ATRIP: variants seen among roughly 807,000 people sequenced by gnomAD.
ATRIP encodes the protein ATR interacting protein.
ATRIP carries 44 observed loss-of-function variants against 78.1 expected under a neutral mutation model. The ratio of observed to expected loss-of-function variants is 0.56; its 90% CI spans 0.44 to 0.72. The LOEUF (loss-of-function observed/expected upper bound fraction) is 0.72, where lower values mean the gene tolerates loss of function less well. ATRIP is among the 30% of genes least tolerant of loss of function. The pLI, the probability that ATRIP is intolerant of heterozygous loss-of-function variation, is 0.00. For missense variants in ATRIP, 927 were observed against 980.2 expected, an observed-to-expected ratio of 0.95 and a Z score of 0.72; for synonymous variants, 388 against 408.9, an observed-to-expected ratio of 0.95 and a Z score of 0.62.
chr3:48,454,335 T>G lies in ATRIP; in HGVS notation c.588T>G (p.Asp196Glu). Reference sequence around the variant, plus strand: ...TGCAGTCTGAACTCCAGTTTAAAGATGCAGAGATGAATGAATTAAGGACAA... The same window carrying G: ...TGCAGTCTGAACTCCAGTTTAAAGAGGCAGAGATGAATGAATTAAGGACAA... ...QSLQSELQFK[D>E]AEMNELRTKL... The change falls in exon 4 of 13, where the codon GAT becomes GAG. Residue 196 changes from aspartate to glutamate, a missense_variant. Asp to Glu is a conservative substitution (Grantham distance 45). Transcript: ENST00000320211. 1 of 1,613,722 alleles carries G rather than the reference T, an allele frequency of 6.2e-7. No homozygotes were observed. The highest frequency in any genetic ancestry group is 8.5e-7 in the Non-Finnish European group (1 of 1,179,708).
rs1259794263 is a variant in ATRIP, at chr3:48,466,965, C to T, written c.*1411C>T. 1 of 1,612,326 alleles carries T rather than the reference C, an allele frequency of 6.2e-7. No homozygotes were observed. The highest frequency in any genetic ancestry group is 1.7e-5 in the Admixed American group (1 of 59,998). The stretch of plus-strand genomic sequence containing the variant: ...TGGGCGTCAATGTTTTGATGACAAC[C>T]TGGCCAACCTGCTCCTAGCCTTCCT... On this transcript the variant is annotated 3_prime_UTR_variant, in exon 13 of 13. Transcript: ENST00000320211.
rs2039843659 is a variant in ATRIP at position 48,451,808 on chromosome 3, C to G, written c.461C>G (p.Ser154Cys). ...ILRDSLHQTESVLEEQRRSHF... is the reference protein window; with the variant it reads ...ILRDSLHQTECVLEEQRRSHF... Reference sequence around the variant, plus strand: ...CGAGACTCACTACATCAGACGGAATCCGTTCTAGAGGAACAGAGAAGATCA... The same window carrying G: ...CGAGACTCACTACATCAGACGGAATGCGTTCTAGAGGAACAGAGAAGATCA... The change falls in exon 3 of 13, where the codon TCC becomes TGC. Residue 154 changes from serine (S) to cysteine (C), a missense_variant. Coordinates refer to ENST00000320211, the MANE Select transcript of ATRIP (RefSeq NM_130384.3). 2 of 1,612,876 alleles carry G rather than the reference C, an allele frequency of 1.2e-6. No homozygotes were observed. Among genetic ancestry groups the G allele is most frequent in the Non-Finnish European group, 1.7e-6 (2 of 1,179,188 alleles).
chr3:48,464,650 G>T lies in ATRIP; in HGVS notation c.2043G>T (p.Gln681His). 6 of 1,614,226 alleles carry T rather than the reference G, an allele frequency of 3.7e-6. No individual in the cohort carries two copies. Among genetic ancestry groups the T allele is most frequent in the Non-Finnish European group, 5.1e-6 (6 of 1,180,034 alleles). ...PLPPVTGSNCQCNVEVVRALT... is the reference protein window; with the variant it reads ...PLPPVTGSNCHCNVEVVRALT... ...CCCCAGTCACTGGCTCCAACTGCCAGTGTAATGTGGAGGTGAGTGGGTAGG... is the reference window on the plus strand; with the variant it reads ...CCCCAGTCACTGGCTCCAACTGCCATTGTAATGTGGAGGTGAGTGGGTAGG... Residue 681 changes from glutamine (Q) to histidine (H), a missense_variant, in exon 11 of 13, where the codon CAG becomes CAT. Coordinates refer to ENST00000320211, the MANE Select transcript of ATRIP (RefSeq NM_130384.3).
At position 48,466,369 on chromosome 3, in the gene ATRIP, C is replaced by A. The variant is rs2040296078; in HGVS notation, c.*815C>A. On this transcript the variant is annotated 3_prime_UTR_variant, in exon 13 of 13. Transcript: ENST00000320211. ...CAGGAGGGCCATGGGTTCCCCCACC[C>A]CAGACTAAGGGGGCACTAGGGGAGG... 1 of 1,396,014 alleles carries A rather than the reference C, an allele frequency of 7.2e-7. No homozygotes were observed. Among genetic ancestry groups the A allele is most frequent in the Non-Finnish European group, 1.0e-6 (1 of 1,000,496 alleles). 86.5% of individuals were successfully genotyped at this position (1,396,014 alleles called of 1,614,324 possible).
At chr3:48,464,376 T>G (rs2040207434) in intron 10 of ATRIP, among the ~76,000 whole-genome samples, 1 of 152,090 alleles carries the variant, frequency 6.6e-6, no homozygotes, top group South Asian at 2.1e-4. Flanking sequence ...GGGGGCAGAA[T>G]AGGGGGCTGG....
intron 8 of ATRIP, among the ~76,000 whole-genome samples, chr3:48,463,081 C>A (rs780973966): frequency 2.0e-5 from 3 of 152,208 alleles, no homozygotes; most frequent in Non-Finnish European, 2.9e-5. Context: ...TGCCCTCCTC[C>A]CCACCCACCA....
chr3:48,449,944 GAAA>G (rs377674597), intron 1 of ATRIP, 90 bp from the exon 2 acceptor site: 234 of 1,121,690 alleles, frequency 2.1e-4, no homozygotes, highest in Middle Eastern at 2.5e-4. Flanking sequence ...TCTCAAAAAA[GAAA>G]AAAAAAAAAA....
Position 48,460,133 on chromosome 3 carries a change from T to C in ATRIP, c.1079T>C (p.Leu360Pro). Reference sequence around the variant, plus strand: ...AGTACCTTGGCTGGAATGTCAGGCCTCAGGACCACAGGTTCTTATGATGGG... The same window carrying C: ...AGTACCTTGGCTGGAATGTCAGGCCCCAGGACCACAGGTTCTTATGATGGG... Reference protein sequence around the residue: ...FGSTLAGMSGLRTTGSYDGSF... With the variant: ...FGSTLAGMSGPRTTGSYDGSF... Residue 360 changes from leucine (L) to proline (P), a missense_variant, in exon 8 of 13, where the codon CTC becomes CCC. By Grantham distance (98) the Leu-to-Pro change is moderately conservative. Coordinates refer to ENST00000320211, the MANE Select transcript of ATRIP (RefSeq NM_130384.3). The C allele has an allele frequency of 6.2e-7, 1 of 1,612,954 alleles. No homozygotes were observed. Among genetic ancestry groups the C allele is most frequent in the Non-Finnish European group, 8.5e-7 (1 of 1,179,596 alleles).
chr3:48,451,018 G>A (rs1301334120), intron 2 of ATRIP, among the ~76,000 whole-genome samples: 2 of 151,464 alleles, frequency 1.3e-5, no homozygotes, highest in East Asian at 2.0e-4. Flanking sequence ...GTGAAAACCC[G>A]TCTCTACTAA....
chr3:48,459,518 G>C, intron 6 of ATRIP, 64 bp downstream of exon 6: 1 of 1,506,898 alleles, frequency 6.6e-7, no homozygotes, highest in African/African-American at 1.4e-5. Context: ...CAGAAGAATT[G>C]CCCAGGCCTC....
chr3:48,457,541 C>A, intron 5 of ATRIP, 125 bp downstream of exon 5: 1 of 757,656 alleles, frequency 1.3e-6, no homozygotes. Context: ...AGGGGACAAT[C>A]TCTGCAGGGA....
intron 3 of ATRIP, among the ~76,000 whole-genome samples, chr3:48,453,393 G>A (rs1390395475): frequency 1.3e-5 from 2 of 152,178 alleles, no homozygotes; most frequent in African/African-American, 4.8e-5. Context: ...TATAAGTGAT[G>A]AAGAGCAAGG....
chr3:48,450,100 A>C lies in ATRIP; in HGVS notation c.311A>C (p.Glu104Ala). 1 of 1,613,236 alleles carries C rather than the reference A, an allele frequency of 6.2e-7. No individual in the cohort carries two copies. The highest frequency in any genetic ancestry group is 2.2e-5 in the East Asian group (1 of 44,846). Residue 104 changes from glutamate (E) to alanine (A), a missense_variant, in exon 2 of 13, where the codon GAA becomes GCA. By Grantham distance (107) the Glu-to-Ala change is moderately radical (BLOSUM62 -1). Coordinates refer to ENST00000320211, the MANE Select transcript of ATRIP (RefSeq NM_130384.3). ...MSKNPSGKNR[E>A]TVPIKDNFEL... ...AAAAATCCTTCAGGGAAAAACAGAGAAACTGTTCCAATTAAAGATAATTTC... is the reference window on the plus strand; with the variant it reads ...AAAAATCCTTCAGGGAAAAACAGAGCAACTGTTCCAATTAAAGATAATTTC...
At chr3:48,453,027 G>A (rs953598554) in intron 3 of ATRIP, among the ~76,000 whole-genome samples, 1 of 151,874 alleles carries the variant, frequency 6.6e-6, no homozygotes, top group African/African-American at 2.4e-5. Context: ...TGGAACTATA[G>A]GCACACACCA....
intron 8 of ATRIP, among the ~76,000 whole-genome samples, chr3:48,462,054 A>T (rs1303982392): frequency 6.6e-6 from 1 of 151,998 alleles, no homozygotes; most frequent in South Asian, 2.1e-4. Flanking sequence ...CAGGCTGGGC[A>T]CAGTGGCTCC....
rs1431098691 is a variant in ATRIP, at chr3:48,467,321, C to A, written c.*1767C>A. On this transcript the variant is annotated 3_prime_UTR_variant, in exon 13 of 13. Coordinates refer to ENST00000320211, the MANE Select transcript of ATRIP (RefSeq NM_130384.3). ...CCCTGCTGCGGTGGGTGGATGCTCACGCCAGGCCTTTCGGCACCATCAGGC... is the reference window on the plus strand; with the variant it reads ...CCCTGCTGCGGTGGGTGGATGCTCAAGCCAGGCCTTTCGGCACCATCAGGC... The A allele has an allele frequency of 1.9e-6, 3 of 1,614,134 alleles. No homozygotes were observed. Among genetic ancestry groups the A allele is most frequent in the South Asian group, 1.1e-5 (1 of 91,090 alleles).
chr3:48,450,049 T>C lies in ATRIP; in HGVS notation c.260T>C (p.Val87Ala). Residue 87 changes from valine (V) to alanine (A), a missense_variant, in exon 2 of 13, where the codon GTC becomes GCC. Physicochemically the swap from Val to Ala is moderately conservative, Grantham distance 64. Transcript: ENST00000320211. ...AARDVSSDHKVHRLLDGMSKN... is the reference protein window; with the variant it reads ...AARDVSSDHKAHRLLDGMSKN... ...CTATTTTTTACAGGTGATCATAAGG[T>C]CCACAGATTATTAGATGGCATGTCA... 6.2e-7 allele frequency: 1 copy of C among 1,612,966 alleles called. No individual in the cohort carries two copies. The highest frequency in any genetic ancestry group is 8.5e-7 in the Non-Finnish European group (1 of 1,179,732).
rs747560892 is a variant in ATRIP, at chr3:48,467,237, G to A, written c.*1683G>A. 6.2e-6 allele frequency: 10 copies of A among 1,613,952 alleles called. No individual in the cohort carries two copies. In the East Asian group the frequency reaches 1.1e-4, roughly 18 times the overall value. ...TGTATGGGCAGTCCCCTCCAGACTC[G>A]CACACGGCTGAGGGTGATGTCCTGG... On this transcript the variant is annotated 3_prime_UTR_variant, in exon 13 of 13. Transcript: ENST00000320211.
rs2107238439 is a variant in ATRIP, at chr3:48,464,046, T to C, written c.1888T>C (p.Cys630Arg). The C allele has an allele frequency of 1.2e-6, 2 of 1,613,608 alleles. No individual in the cohort carries two copies. The highest frequency in any genetic ancestry group is 4.5e-5 in the East Asian group (2 of 44,880). Residue 630 changes from cysteine to arginine, a missense_variant, in exon 10 of 13, where the codon TGC becomes CGC. Transcript: ENST00000320211. Reference protein sequence around the residue: ...APQLCSHSEGCLLLLLYMYIT... With the variant: ...APQLCSHSEGRLLLLLYMYIT... ...AGGTGCGCTGTCCTTTTCAGAAGGC[T>C]GCCTCCTGCTGCTGCTGTACATGTA... is the stretch of plus-strand genomic sequence containing the variant.
Sources: allele counts gnomAD v4.1 joint callset (sites outside exome capture counted in the v4.1 genomes callset), GRCh38; gene constraint gnomAD v4.1.1; transcripts MANE v1.5; gene names NCBI Gene and HGNC (gene_info 2026-07-23, HGNC 2026-07-21).